FHOD3: variants seen among roughly 807,000 people sequenced by gnomAD.
FHOD3 encodes formin homology 2 domain containing 3.
Under a neutral mutation model 173.0 loss-of-function variants are expected in FHOD3, and 90 were observed. That is an observed-to-expected ratio of 0.52 (90% confidence interval 0.44 to 0.62). The LOEUF (loss-of-function observed/expected upper bound fraction) is 0.62. Among genes scored for constraint, FHOD3 ranks in the 20% least tolerant of loss-of-function variants. FHOD3 has a pLI of 0.00. For synonymous variants in FHOD3, 828 were observed against 823.0 expected (o/e 1.01, Z -0.10); for missense variants, 1,945 against 2,034.7 (o/e 0.96, Z 0.85).
chr18:36,737,137 A>C (rs567217379), intron 20 of FHOD3, among the ~76,000 whole-genome samples: 1 of 152,354 alleles, frequency 6.6e-6, no homozygotes, highest in East Asian at 1.9e-4. Context: ...GTAAAAAAAT[A>C]AAATGGCAGG....
rs78406107 is a variant in FHOD3 at position 36,728,866 on chromosome 18, C to T, written c.3418-1780C>T. ...TCAGATGATGAGTGGCAGTCAGTTG[C>T]TCAGTGGGAACCTGCCTGCACAGTG... On this transcript the variant is annotated intron_variant, in intron 19 of 28. Coordinates refer to ENST00000590592, the MANE Select transcript of FHOD3 (RefSeq NM_001281740.3). 6.8e-3 allele frequency among the ~76,000 whole-genome samples: 1,030 copies of T among 152,302 alleles called. 20 individuals carry two copies. Among genetic ancestry groups the T allele is most frequent in the East Asian group, 0.057 (296 of 5,172 alleles).
chr18:36,524,869 C>A (rs1273184984), intron 5 of FHOD3, among the ~76,000 whole-genome samples: 3 of 152,128 alleles, frequency 2.0e-5, no homozygotes, highest in East Asian at 3.9e-4. Flanking sequence ...TACCTCATTG[C>A]TTTATGTGAG....
intron 3 of FHOD3, among the ~76,000 whole-genome samples, chr18:36,419,457 C>T (rs2049868922): frequency 6.6e-6 from 1 of 152,006 alleles, no homozygotes; most frequent in Admixed American, 6.6e-5. Flanking sequence ...GCAGTCTGAG[C>T]TCTTGCTTTC....
intron 5 of FHOD3, among the ~76,000 whole-genome samples, chr18:36,574,966 TTC>T (rs955867979): frequency 1.3e-5 from 2 of 151,976 alleles, no homozygotes; most frequent in Non-Finnish European, 2.9e-5. Context: ...TTTTTCTTTT[TTC>T]TCTTTTTTTT....
intron 8 of FHOD3, among the ~76,000 whole-genome samples, chr18:36,606,806 G>T (rs2032128222): frequency 6.6e-6 from 1 of 152,204 alleles, no homozygotes; most frequent in Non-Finnish European, 1.5e-5. Flanking sequence ...CCAAAAGGCA[G>T]AAATAGGCAA....
chr18:36,419,999 G>C (rs1439029651), intron 3 of FHOD3, among the ~76,000 whole-genome samples: 1 of 152,192 alleles, frequency 6.6e-6, no homozygotes, highest in Non-Finnish European at 1.5e-5. Flanking sequence ...GGAGGCATCT[G>C]ATGCCTCCCA....
intron 17 of FHOD3, among the ~76,000 whole-genome samples, chr18:36,704,352 T>G (rs948634): frequency 0.32 from 48,349 of 152,166 alleles, 7,931 homozygotes; most frequent in South Asian, 0.48. Context: ...GCCTGTAATG[T>G]TACCAGGCAT....
intron 3 of FHOD3, among the ~76,000 whole-genome samples, chr18:36,471,279 C>A (rs188444641): frequency 6.6e-6 from 1 of 152,266 alleles, no homozygotes; most frequent in East Asian, 1.9e-4. Flanking sequence ...GAGGTGCAGT[C>A]TCTCCCTGAG....
chr18:36,305,956 T>C (rs192291329), intron 1 of FHOD3, among the ~76,000 whole-genome samples: 15 of 152,330 alleles, frequency 9.8e-5, no homozygotes, highest in Admixed American at 2.6e-4. Flanking sequence ...TGTGGTGACA[T>C]TGGGGTTGAG....
chr18:36,344,954 G>A (rs62084130), intron 1 of FHOD3, among the ~76,000 whole-genome samples: 30,284 of 152,208 alleles, frequency 0.2, 3,250 homozygotes, highest in South Asian at 0.34. Flanking sequence ...CATAGTGCTA[G>A]AAGAGTCCAC....
At chr18:36,476,727 A>G (rs1412874871) in intron 3 of FHOD3, among the ~76,000 whole-genome samples, 1 of 152,218 alleles carries the variant, frequency 6.6e-6, no homozygotes, top group Non-Finnish European at 1.5e-5. Flanking sequence ...ACATCAAAGG[A>G]AAGCAATCTC....
chr18:36,610,245 C>T (rs1451459303), intron 8 of FHOD3, among the ~76,000 whole-genome samples: 2 of 152,224 alleles, frequency 1.3e-5, no homozygotes, highest in Non-Finnish European at 2.9e-5. Context: ...TAGGGCATCT[C>T]TAATTGTTCA....
intron 20 of FHOD3, among the ~76,000 whole-genome samples, chr18:36,736,777 G>A (rs2041655475): frequency 6.6e-6 from 1 of 152,210 alleles, no homozygotes; most frequent in Admixed American, 6.5e-5. Flanking sequence ...CAACACTCGA[G>A]TGGGAAAATA....
chr18:36,313,297 T>G (rs2092299030), intron 1 of FHOD3, among the ~76,000 whole-genome samples: 1 of 152,192 alleles, frequency 6.6e-6, no homozygotes. Context: ...AAAAAAAACC[T>G]TCATATTTGG....
chr18:36,675,622 G>A (rs2037807146), intron 14 of FHOD3, among the ~76,000 whole-genome samples: 7 of 152,314 alleles, frequency 4.6e-5, no homozygotes, highest in South Asian at 2.1e-4. Flanking sequence ...GCTGTTGCCA[G>A]TGGGAAGGGT....
chr18:36,626,431 TTAAAGTA>T (rs1486314548), intron 10 of FHOD3, among the ~76,000 whole-genome samples: 1 of 152,116 alleles, frequency 6.6e-6, no homozygotes, highest in Admixed American at 6.6e-5. Context: ...TTATATGTAT[TTAAAGTA>T]TAAAGTTTGA....
intron 5 of FHOD3, among the ~76,000 whole-genome samples, chr18:36,513,109 G>T (rs2055752337): frequency 6.6e-6 from 1 of 150,722 alleles, no homozygotes; most frequent in Admixed American, 6.6e-5. Context: ...TCCTGTTCCA[G>T]TTTATAGTTA....
intron 10 of FHOD3, among the ~76,000 whole-genome samples, chr18:36,638,518 C>A (rs966847916): frequency 1.3e-5 from 2 of 152,030 alleles, no homozygotes. Flanking sequence ...TGGTGGGGAT[C>A]GGATTGGAGG....
chr18:36,763,357 G>A (rs1329058234), intron 27 of FHOD3, among the ~76,000 whole-genome samples: 1 of 134,094 alleles, frequency 7.5e-6, no homozygotes, highest in Non-Finnish European at 1.6e-5. Flanking sequence ...TATTATACAC[G>A]TTATATACAA....
Sources: allele counts gnomAD v4.1 joint callset (sites outside exome capture counted in the v4.1 genomes callset), GRCh38; gene constraint gnomAD v4.1.1; transcripts MANE v1.5; gene names NCBI Gene and HGNC (gene_info 2026-07-23, HGNC 2026-07-21).